The following SIRT2 variants were observed in gnomAD, a reference collection of about 807,000 sequenced individuals.
SIRT2 encodes the protein sirtuin 2.
Under a neutral mutation model 57.4 loss-of-function variants are expected in SIRT2, and 40 were observed. The observed-to-expected ratio is 0.70, with a 90% confidence interval of 0.54 to 0.91. The LOEUF (loss-of-function observed/expected upper bound fraction) is 0.91. Ranked by LOEUF, SIRT2 falls within the 40% of genes least tolerant of loss-of-function variation. The probability of loss-of-function intolerance (pLI) is 0.00; values close to 1 mark genes in which losing one functional copy is unlikely to be tolerated. For missense variants in SIRT2, 439 were observed against 510.4 expected (o/e 0.86, Z 1.35); for synonymous variants, 161 against 195.7 (o/e 0.82, Z 1.48).
chr19:38,882,784 A>G (rs1208149092), intron 9 of SIRT2, among the ~76,000 whole-genome samples: 1 of 152,188 alleles, frequency 6.6e-6, no homozygotes, highest in Non-Finnish European at 1.5e-5. Flanking sequence ...TCTTTAAAAT[A>G]TTTCTGCATG....
Position 38,879,185 on chromosome 19 carries a change from G to A in SIRT2, c.1140C>T (p.Ala380=). ...GGGGTTTCTCCCTCTCTGTTGTCCT[G>A]GCCTCGTCCTTGGCAGGTGGCGGGG... The part of the protein sequence containing the change: ...KKSPPPAKDE[A]RTTEREKPQ Residue 380 remains alanine (A), a synonymous_variant, in exon 16 of 16, where the codon GCC becomes GCT. Transcript: ENST00000249396. 1 of 1,586,542 alleles carries A rather than the reference G, an allele frequency of 6.3e-7. No individual in the cohort carries two copies. The highest frequency in any genetic ancestry group is 8.5e-7 in the Non-Finnish European group (1 of 1,172,688).
intron 4 of SIRT2, among the ~76,000 whole-genome samples, chr19:38,890,373 G>A (rs1439395025): frequency 6.6e-6 from 1 of 152,178 alleles, no homozygotes; most frequent in Admixed American, 6.5e-5. Flanking sequence ...AATCAACTGC[G>A]GAAGAGCCAG....
chr19:38,880,540 C>T lies in SIRT2; in HGVS notation c.876+145G>A, dbSNP rs1973113798. 3 of 624,674 alleles carry T rather than the reference C, an allele frequency of 4.8e-6. No homozygotes were observed. Among genetic ancestry groups the T allele is most frequent in the South Asian group, 4.5e-5 (2 of 44,188 alleles). 38.7% of individuals were successfully genotyped at this position (624,674 alleles called of 1,614,324 possible). ...CAGTGAATGTCCCAGAGGCCTGGAA[C>T]CCGACCCCTCTGGATTCTAGAGCCC... is the stretch of plus-strand genomic sequence containing the variant. On this transcript the variant is annotated intron_variant, in intron 13 of 15. Transcript: ENST00000249396. The surrounding 1 kb of genome is among the most constrained non-coding windows in gnomAD (Gnocchi z 4.1).
At chr19:38,897,694 T>C (rs1166459062) in intron 2 of SIRT2, among the ~76,000 whole-genome samples, 2 of 152,058 alleles carry the variant, frequency 1.3e-5, no homozygotes, top group Non-Finnish European at 2.9e-5. Flanking sequence ...ATGGCTAATT[T>C]TTAAATATTT....
chr19:38,898,338 G>A (rs1370867752), intron 2 of SIRT2, 41 bp downstream of exon 2: 5 of 1,403,676 alleles, frequency 3.6e-6, no homozygotes, highest in Non-Finnish European at 3.8e-6. Context: ...TGTGGAACAA[G>A]TCCGTCTCTC....
rs151003009 is a variant in SIRT2, at chr19:38,894,176, A to G, written c.64-309T>C. ...CACTGGTGCAGTCACAGCTTGCTGC[A>G]GCCTCAACCTCCCAAGCTCAAGGGA... On this transcript the variant is annotated intron_variant, in intron 2 of 15. Transcript: ENST00000249396. 1,114 of 374,126 alleles carry G rather than the reference A, an allele frequency of 3.0e-3. 9 individuals are homozygous for G. Among genetic ancestry groups the G allele is most frequent in the African/African-American group, 0.022 (1,039 of 47,270 alleles). The allele number at this position is 374,126 out of a possible 1,614,324, so 23.2% of individuals were successfully genotyped here.
chr19:38,893,922 G>A (rs1278466341), intron 2 of SIRT2, 55 bp from the exon 3 acceptor site: 2 of 1,610,392 alleles, frequency 1.2e-6, no homozygotes, highest in Admixed American at 3.4e-5. Context: ...AGGGAGGGAG[G>A]AGAGGGGGTG....
At chr19:38,881,984 C>T (rs533242644) in intron 9 of SIRT2, among the ~76,000 whole-genome samples, 24 of 149,532 alleles carry the variant, frequency 1.6e-4, no homozygotes, top group East Asian at 1.0e-3. Context: ...CCACTGCGCC[C>T]GGCCTTATTG....
At chr19:38,881,380 G>C in intron 10 of SIRT2, 52 bp downstream of exon 10, 1 of 1,549,956 alleles carries the variant, frequency 6.5e-7, no homozygotes, top group Non-Finnish European at 8.9e-7. Context: ...TCAGGGGGAG[G>C]AGGGGACCCC....
rs1973470901 is a variant in SIRT2, at chr19:38,889,888, G to A, written c.342C>T (p.Tyr114=). The change falls in exon 6 of 16, where the codon TAC becomes TAT. Residue 114 remains tyrosine (Y), a synonymous_variant. Coordinates refer to ENST00000249396, the MANE Select transcript of SIRT2 (RefSeq NM_012237.4). ...AGCTGATCTCAAAGATGGCCTCTGG[G>A]TAGGGAAGATGGTACTTCTCTAGGT... ...YDNLEKYHLP[Y]PEAIFEISYF... 3 of 1,614,054 alleles carry A rather than the reference G, an allele frequency of 1.9e-6. No homozygotes were observed. Among genetic ancestry groups the A allele is most frequent in the Non-Finnish European group, 2.5e-6 (3 of 1,180,000 alleles).
intron 10 of SIRT2, 29 bp from the exon 11 acceptor site, chr19:38,881,184 G>T: frequency 6.2e-7 from 1 of 1,606,166 alleles, no homozygotes; most frequent in Non-Finnish European, 8.5e-7. Flanking sequence ...GACGGACAGA[G>T]ACAGTGACAT....
chr19:38,881,290 T>C (rs1263127319), intron 10 of SIRT2, 135 bp from the exon 11 acceptor site: 11 of 1,144,706 alleles, frequency 9.6e-6, no homozygotes, highest in Non-Finnish European at 1.4e-5. Context: ...CAGACCCCAT[T>C]CTCCCCAGGA....
intron 4 of SIRT2, chr19:38,891,867 G>T (rs1325803442): frequency 2.1e-6 from 1 of 468,996 alleles, no homozygotes; most frequent in Non-Finnish European, 4.4e-6. Context: ...TTTGGGGCCT[G>T]CCCAGGCTAA....
intron 8 of SIRT2, among the ~76,000 whole-genome samples, chr19:38,887,743 A>C (rs1033843381): frequency 3.3e-5 from 5 of 151,252 alleles, no homozygotes; most frequent in Admixed American, 6.6e-5. Context: ...CAATGTTACC[A>C]CTCTTTTTTG....
Position 38,893,482 on chromosome 19 carries a change from C to T in SIRT2, c.158G>A (p.Ser53Asn). 1.2e-6 allele frequency: 2 copies of T among 1,613,958 alleles called. No individual in the cohort carries two copies. The highest frequency in any genetic ancestry group is 1.1e-5 in the South Asian group (1 of 91,078). The change falls in exon 4 of 16, where the codon AGC (serine) becomes AAC (asparagine). Residue 53 changes from serine to asparagine, a missense_variant. By Grantham distance (46) the Ser-to-Asn change is conservative. Transcript: ENST00000249396. ...NLFSQTLSLG[S>N]QKERLLDELT... ...CTCGTCCAGCAGACGCTCCTTCTGG[C>T]TGCCCAGGCTGAGCGTCTGGGAGAA...
chr19:38,893,349 G>A (rs1364263360), intron 4 of SIRT2, 65 bp downstream of exon 4: 14 of 959,090 alleles, frequency 1.5e-5, no homozygotes, highest in Non-Finnish European at 1.9e-5. Context: ...TCAAGTGGCT[G>A]GGGATGGGAG....
In SIRT2 at chr19:38,878,880, A is replaced by C; in HGVS notation, c.*275T>G. The stretch of plus-strand genomic sequence containing the variant: ...TAGCCCTGGCCCCGTGGGGGCAGTT[A>C]GAGATGAGGGAGGTTACTCCTTAGC... On this transcript the variant is annotated 3_prime_UTR_variant, in exon 16 of 16. Coordinates refer to ENST00000249396, the MANE Select transcript of SIRT2 (RefSeq NM_012237.4). The C allele has an allele frequency of 5.4e-6, 2 of 372,270 alleles. No homozygotes were observed. Among genetic ancestry groups the C allele is most frequent in the Non-Finnish European group, 4.8e-6 (1 of 209,328 alleles). The allele number at this position is 372,270 out of a possible 1,614,324, so 23.1% of individuals were successfully genotyped here.
chr19:38,888,792 C>T (rs1192933227), intron 8 of SIRT2, among the ~76,000 whole-genome samples: 1 of 152,240 alleles, frequency 6.6e-6, no homozygotes, highest in Non-Finnish European at 1.5e-5. Context: ...GCTCCTTCCA[C>T]ATCACACATG....
intron 9 of SIRT2, among the ~76,000 whole-genome samples, chr19:38,882,837 A>G (rs1414097401): frequency 2.0e-5 from 3 of 152,082 alleles, no homozygotes; most frequent in Non-Finnish European, 4.4e-5. Context: ...GCTGCTGTCA[A>G]TGACACATAA....
Sources: allele counts gnomAD v4.1 joint callset (sites outside exome capture counted in the v4.1 genomes callset), GRCh38; gene constraint gnomAD v4.1.1; non-coding constraint Gnocchi (gnomAD v3.1); transcripts MANE v1.5; gene names NCBI Gene and HGNC (gene_info 2026-07-23, HGNC 2026-07-21).